Variants in HHAT observed in about 807,000 individuals in gnomAD.
HHAT encodes hedgehog acyltransferase.
Under a neutral mutation model 70.8 loss-of-function variants are expected in HHAT, and 47 were observed. The ratio of observed to expected loss-of-function variants is 0.66; its 90% confidence interval spans 0.53 to 0.85. The LOEUF (loss-of-function observed/expected upper bound fraction) is 0.85. Among genes scored for constraint, HHAT ranks in the 40% least tolerant of loss-of-function variants. HHAT has a pLI of 0.00. For synonymous variants in HHAT, 228 were observed against 247.6 expected (o/e 0.92, Z 0.74); for missense variants, 609 against 604.8 (o/e 1.01, Z -0.07).
chr1:210,334,646 G>A (rs2085315346), intron 1 of HHAT, among the ~76,000 whole-genome samples: 1 of 151,542 alleles, frequency 6.6e-6, no homozygotes, highest in Non-Finnish European at 1.5e-5. Flanking sequence ...GTGGATGTAT[G>A]TCATATAGTG....
chr1:210,660,574 C>T (rs1677463133), intron 11 of HHAT, among the ~76,000 whole-genome samples: 1 of 152,116 alleles, frequency 6.6e-6, no homozygotes, highest in East Asian at 1.9e-4. Flanking sequence ...CTTTAAAGTT[C>T]ATATGGAACC....
chr1:210,486,949 A>G (rs753500053), intron 8 of HHAT, among the ~76,000 whole-genome samples: 1 of 152,200 alleles, frequency 6.6e-6, no homozygotes, highest in Non-Finnish European at 1.5e-5. Flanking sequence ...AAGAATGTGA[A>G]AAGGAGGGAT....
chr1:210,458,250 T>C (rs970461474), intron 7 of HHAT, among the ~76,000 whole-genome samples: 1 of 152,130 alleles, frequency 6.6e-6, no homozygotes, highest in African/African-American at 2.4e-5. Flanking sequence ...ACTTGTGGGA[T>C]AGGGTAGTAA....
chr1:210,644,431 C>T (rs1381970349), intron 11 of HHAT, among the ~76,000 whole-genome samples: 1 of 151,716 alleles, frequency 6.6e-6, no homozygotes, highest in Admixed American at 6.6e-5. Context: ...GGTGAAATCC[C>T]GTCTCTACTA....
intron 11 of HHAT, chr1:210,630,976 CTT>C (rs1401039419): frequency 4.5e-6 from 2 of 445,374 alleles, no homozygotes; most frequent in Non-Finnish European, 8.9e-6. Flanking sequence ...GCCAACATAT[CTT>C]TGTATTTTTC....
In HHAT at chr1:210,560,814, TAAAAAAAAAAAAAAAAAAAA is replaced by T. The variant is rs60192211; in HGVS notation, c.1044-27066_1044-27047del. Among the ~76,000 whole-genome samples, 17 of 28,514 alleles carry T rather than the reference TAAAAAAAAAAAAAAAAAAAA, an allele frequency of 6.0e-4. 1 individual carries two copies. Among genetic ancestry groups the T allele is most frequent in the Admixed American group, 2.2e-3 (5 of 2,260 alleles). 18.7% of individuals were successfully genotyped at this position (28,514 alleles called of 152,430 possible). ...GGTGACAAAGTGAGACCCTGTGTCT[TAAAAAAAAAAAAAAAAAAAA>T]AAAAAAAAAAAAAAAAACCAGAGTA... On this transcript the variant is annotated intron_variant, in intron 9 of 11. Coordinates refer to ENST00000261458, the MANE Select transcript of HHAT (RefSeq NM_018194.6).
intron 10 of HHAT, among the ~76,000 whole-genome samples, chr1:210,592,699 C>T (rs967305673): frequency 1.2e-4 from 18 of 151,902 alleles, no homozygotes; most frequent in African/African-American, 3.9e-4. Flanking sequence ...GTGTCCTCTT[C>T]GATTTCTTTC....
At chr1:210,459,715 G>A (rs1475820024) in intron 7 of HHAT, among the ~76,000 whole-genome samples, 1 of 152,180 alleles carries the variant, frequency 6.6e-6, no homozygotes, top group African/African-American at 2.4e-5. Flanking sequence ...ACAGTTCTGA[G>A]CTCCCTCACC....
chr1:210,607,254 A>G (rs1435364961), intron 10 of HHAT, among the ~76,000 whole-genome samples: 1 of 151,924 alleles, frequency 6.6e-6, no homozygotes, highest in Non-Finnish European at 1.5e-5. Flanking sequence ...AATCTGCTCT[A>G]TCTTATTAAA....
chr1:210,633,372 G>A (rs1308462688), intron 11 of HHAT, among the ~76,000 whole-genome samples: 4 of 152,188 alleles, frequency 2.6e-5, no homozygotes, highest in Non-Finnish European at 5.9e-5. Context: ...ATGCCCGGTC[G>A]CAGCAATGTC....
chr1:210,331,650 G>C (rs1322011884), intron 1 of HHAT, among the ~76,000 whole-genome samples: 1 of 151,928 alleles, frequency 6.6e-6, no homozygotes, highest in South Asian at 2.1e-4. Flanking sequence ...TCATGCACCA[G>C]CTGGGAGAGA....
rs1001143722 is a variant in HHAT at position 210,646,874 on chromosome 1, C to T, written c.1390+23204C>T. Among the ~76,000 whole-genome samples the T allele has an allele frequency of 5.9e-5, 9 of 152,154 alleles. No individual in the cohort carries two copies. The South Asian group carries it at 6.2e-4, about 11-fold the overall frequency. ...GGCTAGTTGGCAATAAATGAAGATCCGTAATTTGTTCATTATTTTAAAATA... is the reference window on the plus strand; with the variant it reads ...GGCTAGTTGGCAATAAATGAAGATCTGTAATTTGTTCATTATTTTAAAATA... On this transcript the variant is annotated intron_variant, in intron 11 of 11. Transcript: ENST00000261458.
chr1:210,542,239 C>A (rs2095437637), intron 9 of HHAT, among the ~76,000 whole-genome samples: 1 of 152,158 alleles, frequency 6.6e-6, no homozygotes, highest in Non-Finnish European at 1.5e-5. Flanking sequence ...TCTCCCACCT[C>A]TGGGCAGGGA....
chr1:210,435,050 TG>T (rs1297053476), intron 7 of HHAT, among the ~76,000 whole-genome samples: 2 of 151,880 alleles, frequency 1.3e-5, no homozygotes, highest in African/African-American at 4.9e-5. Flanking sequence ...GTTACCCTGT[TG>T]ATCTATTGAA....
intron 9 of HHAT, among the ~76,000 whole-genome samples, chr1:210,585,396 A>G (rs1318237361): frequency 6.6e-6 from 1 of 152,152 alleles, no homozygotes; most frequent in African/African-American, 2.4e-5. Flanking sequence ...AATAGGGGAA[A>G]AGAGACCTCA....
At chr1:210,560,780 T>C (rs1212079943) in intron 9 of HHAT, among the ~76,000 whole-genome samples, 1 of 117,966 alleles carries the variant, frequency 8.5e-6, no homozygotes, top group Non-Finnish European at 1.6e-5. Context: ...GCCACTGCAC[T>C]GCAGCCTGGG....
chr1:210,365,936 T>TAA (rs2088913343), intron 3 of HHAT, among the ~76,000 whole-genome samples: 1 of 133,798 alleles, frequency 7.5e-6, no homozygotes, highest in African/African-American at 2.9e-5. Flanking sequence ...AAAAAAAATT[T>TAA]TTTTTTTTGA....
At chr1:210,378,679 T>C (rs530970463) in intron 3 of HHAT, among the ~76,000 whole-genome samples, 1 of 152,296 alleles carries the variant, frequency 6.6e-6, no homozygotes, top group Admixed American at 6.5e-5. Flanking sequence ...TTTTTTTGTA[T>C]AGAGAACATT....
chr1:210,373,796 T>C (rs2089800879), intron 3 of HHAT, among the ~76,000 whole-genome samples: 1 of 152,194 alleles, frequency 6.6e-6, no homozygotes, highest in East Asian at 1.9e-4. Context: ...TAATAGAATG[T>C]TATCTAGAGA....
Sources: allele counts gnomAD v4.1 joint callset (sites outside exome capture counted in the v4.1 genomes callset), GRCh38; gene constraint gnomAD v4.1.1; transcripts MANE v1.5; gene names NCBI Gene and HGNC (gene_info 2026-07-23, HGNC 2026-07-21).